Variants in CTTN observed in about 807,000 individuals in gnomAD.
The protein encoded by CTTN is cortactin.
In CTTN, 28 loss-of-function variants were observed where a neutral mutation model predicts 84.0. The ratio of observed to expected loss-of-function variants is 0.33; its 90% CI spans 0.25 to 0.46. CTTN has a LOEUF of 0.46. Among genes scored for constraint, CTTN ranks in the 20% least tolerant of loss-of-function variants. CTTN has a pLI of 1.00. For synonymous variants in CTTN, 301 were observed against 288.8 expected, an observed-to-expected ratio of 1.04 and a Z score of -0.43; for missense variants, 641 against 723.8, an observed-to-expected ratio of 0.89 and a Z score of 1.31.
chr11:70,433,346 G>C, intron 16 of CTTN, 68 bp downstream of exon 16: 2 of 1,476,240 alleles, frequency 1.4e-6, no homozygotes, highest in Non-Finnish European at 9.1e-7. Context: ...TGCTCGACCT[G>C]TGGCGTCGTT....
intron 8 of CTTN, among the ~76,000 whole-genome samples, chr11:70,417,788 G>A (rs757462161): frequency 2.0e-5 from 3 of 152,208 alleles, no homozygotes; most frequent in Non-Finnish European, 2.9e-5. Context: ...GAGCCACTGC[G>A]CCCAGCTGAA....
At chr11:70,412,251 AC>A (rs1476026975) in intron 5 of CTTN, among the ~76,000 whole-genome samples, 1 of 152,046 alleles carries the variant, frequency 6.6e-6, no homozygotes, top group Non-Finnish European at 1.5e-5. Flanking sequence ...ACATAGCAAG[AC>A]CCTATCTCTA....
intron 7 of CTTN, 149 bp downstream of exon 7, chr11:70,415,866 C>A: frequency 1.4e-6 from 1 of 722,116 alleles, no homozygotes; most frequent in African/African-American, 1.8e-5. Context: ...TGGCTGTTGC[C>A]ACAAGGAGGA....
chr11:70,432,075 C>T (rs1479100015), intron 15 of CTTN, among the ~76,000 whole-genome samples: 1 of 152,184 alleles, frequency 6.6e-6, no homozygotes. Context: ...GCCCTGGAGA[C>T]AGGCCGGGTC....
rs1318270291 is a variant in CTTN, at chr11:70,433,108, C to T, written c.1274C>T (p.Ala425Val). Reference protein sequence around the residue: ...LPSSPVYEDAASFKAELSYRG... With the variant: ...LPSSPVYEDAVSFKAELSYRG... ...CGTGTGACCCTTCCCCAGGATGCGG[C>T]TTCCTTCAAGGCAGAGCTGAGCTAC... Residue 425 changes from alanine to valine, a missense_variant, in exon 16 of 18, where the codon GCT (alanine) becomes GTT (valine). Transcript: ENST00000301843. 1.2e-6 allele frequency: 2 copies of T among 1,613,288 alleles called. No homozygotes were observed. Among genetic ancestry groups the T allele is most frequent in the Non-Finnish European group, 1.7e-6 (2 of 1,179,800 alleles).
In CTTN at chr11:70,435,312, A is replaced by G. The variant is rs1176360778; in HGVS notation, c.*150A>G. 2 of 998,134 alleles carry G rather than the reference A, an allele frequency of 2.0e-6. No homozygotes were observed. Among genetic ancestry groups the G allele is most frequent in the African/African-American group, 2.8e-5 (1 of 35,518 alleles). The allele number at this position is 998,134 out of a possible 1,614,324, so 61.8% of individuals were successfully genotyped here. Reference sequence around the variant, plus strand: ...GGAGGGGAATATACACATTGCTTTTATATTTAATACTTTTGCTGATGCTTT... The same window carrying G: ...GGAGGGGAATATACACATTGCTTTTGTATTTAATACTTTTGCTGATGCTTT... On this transcript the variant is annotated 3_prime_UTR_variant, in exon 18 of 18. Transcript: ENST00000301843.
intron 17 of CTTN, among the ~76,000 whole-genome samples, chr11:70,434,669 C>T (rs1404070719): frequency 1.3e-5 from 2 of 152,270 alleles, no homozygotes; most frequent in African/African-American, 2.4e-5. Flanking sequence ...CCTTCCACTG[C>T]GGCCTCCGCA....
Position 70,423,010 on chromosome 11 carries a change from C to T in CTTN, c.957+15C>T. On this transcript the variant is annotated intron_variant, in intron 12 of 17. Coordinates refer to ENST00000301843, the MANE Select transcript of CTTN (RefSeq NM_005231.4). ...GGATGGATAAGGTAAATATTCCAGC[C>T]CCGGAGCTTAGTGTCTTCTGCCTGC... is the stretch of plus-strand genomic sequence containing the variant. 6.2e-7 allele frequency: 1 copy of T among 1,613,762 alleles called. No homozygotes were observed. Among genetic ancestry groups the T allele is most frequent in the Non-Finnish European group, 8.5e-7 (1 of 1,179,886 alleles).
chr11:70,433,234 A>T lies in CTTN; in HGVS notation c.1400A>T (p.Glu467Val), dbSNP rs764906047. The T allele has an allele frequency of 2.5e-6, 4 of 1,612,988 alleles. No homozygotes were observed. The South Asian group carries it at 4.4e-5, about 18-fold the overall frequency. Residue 467 changes from glutamate to valine, a missense_variant, in exon 16 of 18, where the codon GAG becomes GTG. Glu to Val is a moderately radical substitution (Grantham distance 121, BLOSUM62 -2). Coordinates refer to ENST00000301843, the MANE Select transcript of CTTN (RefSeq NM_005231.4). ...CAGCAGGGCCTGGCCTATGCCACAG[A>T]GGCTGTCTATGAAAGCGCAGAGGCC... ...SSQQGLAYAT[E>V]AVYESAEAPG...
intron 11 of CTTN, 68 bp from the exon 12 acceptor site, chr11:70,422,872 A>G: frequency 6.2e-7 from 1 of 1,610,732 alleles, no homozygotes; most frequent in Non-Finnish European, 8.5e-7. Context: ...ATCTGTCTGC[A>G]TGCACCCACG....
intron 15 of CTTN, among the ~76,000 whole-genome samples, chr11:70,432,300 A>C (rs1198522438): frequency 2.0e-5 from 3 of 152,188 alleles, no homozygotes; most frequent in Admixed American, 1.3e-4. Context: ...CCTCCCGTGC[A>C]GTTCAGCCCT....
rs1334991934 is a variant in CTTN at position 70,415,796 on chromosome 11, C to T, written c.457+79C>T. ...GTCACAGCCACCTGAAGCCGTTTCC[C>T]CGCGCTCCGGGGGCCCTGATGGGGA... On this transcript the variant is annotated intron_variant, in intron 7 of 17. Transcript: ENST00000301843. 3 of 1,420,190 alleles carry T rather than the reference C, an allele frequency of 2.1e-6. No individual in the cohort carries two copies. In the East Asian group the frequency reaches 6.8e-5, roughly 32 times the overall value. 88.0% of individuals were successfully genotyped at this position (1,420,190 alleles called of 1,614,324 possible).
intron 13 of CTTN, 117 bp downstream of exon 13, chr11:70,425,518 C>T (rs964729602): frequency 1.4e-6 from 1 of 736,036 alleles, no homozygotes; most frequent in African/African-American, 1.8e-5. Flanking sequence ...GTGGTTGTTG[C>T]TGCGTATTTT....
chr11:70,420,634 A>G lies in CTTN; in HGVS notation c.790+124A>G, dbSNP rs907240020. On this transcript the variant is annotated intron_variant, in intron 10 of 17. Coordinates refer to ENST00000301843, the MANE Select transcript of CTTN (RefSeq NM_005231.4). The stretch of plus-strand genomic sequence containing the variant: ...ACATTGTTTTGTCTTCACTGTTTGA[A>G]GTTGTCCTGTGTGCCCCCCCAATCC... 13 of 740,286 alleles carry G rather than the reference A, an allele frequency of 1.8e-5. No individual in the cohort carries two copies. In the African/African-American group the frequency reaches 2.1e-4, roughly 12 times the overall value. The allele number at this position is 740,286 out of a possible 1,614,324, so 45.9% of individuals were successfully genotyped here.
chr11:70,399,386 G>T (rs1393264662), intron 1 of CTTN, among the ~76,000 whole-genome samples: 1 of 151,892 alleles, frequency 6.6e-6, no homozygotes, highest in East Asian at 1.9e-4. Flanking sequence ...GCAGGGAAAA[G>T]GGATGGGGTC....
At position 70,425,368 on chromosome 11, in the gene CTTN, T is replaced by G. The variant is rs2058289582; in HGVS notation, c.994T>G (p.Ser332Ala). Residue 332 changes from serine to alanine, a missense_variant, in exon 13 of 18, where the codon TCT becomes GCT. Coordinates refer to ENST00000301843, the MANE Select transcript of CTTN (RefSeq NM_005231.4). ...CTTTGAGGATGTCACCCAGGTGTCCTCTGCCTACCAGAAGACAGTACCTGT... is the reference window on the plus strand; with the variant it reads ...CTTTGAGGATGTCACCCAGGTGTCCGCTGCCTACCAGAAGACAGTACCTGT... ...STFEDVTQVS[S>A]AYQKTVPVEA... 6.2e-7 allele frequency: 1 copy of G among 1,612,876 alleles called. No individual in the cohort carries two copies. Among genetic ancestry groups the G allele is most frequent in the Non-Finnish European group, 8.5e-7 (1 of 1,179,540 alleles).
intron 12 of CTTN, among the ~76,000 whole-genome samples, chr11:70,425,010 C>T (rs1475203995): frequency 6.6e-6 from 1 of 152,126 alleles, no homozygotes; most frequent in African/African-American, 2.4e-5. Context: ...TCTTCGCTTC[C>T]TGTAAATGCT....
At chr11:70,430,794 C>G (rs1158648701) in intron 14 of CTTN, among the ~76,000 whole-genome samples, 11 of 152,236 alleles carry the variant, frequency 7.2e-5, no homozygotes, top group African/African-American at 2.2e-4. Flanking sequence ...CCTAAACTAT[C>G]TAATCGTGTG....
chr11:70,430,502 C>G (rs543693162), intron 14 of CTTN, among the ~76,000 whole-genome samples: 3 of 152,212 alleles, frequency 2.0e-5, no homozygotes, highest in Non-Finnish European at 4.4e-5. Context: ...CCCTCACACT[C>G]CTGCCTCCCT....
Sources: gnomAD v4.1 joint callset for allele counts (sites outside exome capture counted in the v4.1 genomes callset) on GRCh38, gnomAD v4.1.1 for gene constraint, MANE v1.5 for transcripts, NCBI Gene and HGNC (gene_info 2026-07-23, HGNC 2026-07-21) for gene names.